Variants in ZFAT observed in about 807,000 individuals in gnomAD.
ZFAT encodes the protein zinc finger protein ZFAT.
ZFAT carries 64 observed loss-of-function variants against 117.7 expected under a neutral mutation model. The ratio of observed to expected loss-of-function variants is 0.54; its 90% CI spans 0.44 to 0.67. The LOEUF (loss-of-function observed/expected upper bound fraction) is 0.67, where lower values mean the gene tolerates loss of function less well. Among genes scored for constraint, ZFAT ranks in the 30% least tolerant of loss-of-function variants. The pLI is 0.00. For missense variants in ZFAT, 1,433 were observed against 1,584.5 expected, an observed-to-expected ratio of 0.90 and a Z score of 1.62; for synonymous variants, 679 against 615.0, an observed-to-expected ratio of 1.10 and a Z score of -1.54.
chr8:134,713,193 G>GCGC (rs1814098656), upstream of ZFAT: 1 of 242,218 alleles, frequency 4.1e-6, no homozygotes, highest in African/African-American at 2.2e-5. Flanking sequence ...GGATTCCGCT[G>GCGC]CGCCGCGTTT....
At chr8:134,724,823 G>A in the ZFAT span, among the ~76,000 whole-genome samples, 1 of 152,042 alleles carries the variant, frequency 6.6e-6, no homozygotes, top group African/African-American at 2.4e-5. Flanking sequence ...GATTACCATG[G>A]GCTGTGGGGG....
chr8:134,515,233 G>T (rs889716819), intron 13 of ZFAT, among the ~76,000 whole-genome samples: 2 of 152,206 alleles, frequency 1.3e-5, no homozygotes, highest in African/African-American at 4.8e-5. Context: ...TTGGTTCCAA[G>T]TCTTTGCTAT....
chr8:134,547,211 G>A (rs75335453), intron 11 of ZFAT, among the ~76,000 whole-genome samples: 108 of 152,270 alleles, frequency 7.1e-4, no homozygotes, highest in Middle Eastern at 3.4e-3. Flanking sequence ...TTCACGGCCC[G>A]GTCTCCTTGG....
chr8:134,561,358 C>A (rs1824036422), intron 11 of ZFAT, among the ~76,000 whole-genome samples: 1 of 152,226 alleles, frequency 6.6e-6, no homozygotes, highest in Admixed American at 6.5e-5. Flanking sequence ...AGCAAACCAT[C>A]AGGCCAGTCA....
At chr8:134,701,232 T>G (rs1350207349) in intron 1 of ZFAT, among the ~76,000 whole-genome samples, 1 of 152,214 alleles carries the variant, frequency 6.6e-6, no homozygotes, top group Non-Finnish European at 1.5e-5. Context: ...CTCTTTGAAT[T>G]TAACTACTCT....
intron 2 of ZFAT, among the ~76,000 whole-genome samples, chr8:134,650,897 A>G (rs1477938259): frequency 6.6e-6 from 1 of 152,244 alleles, no homozygotes; most frequent in Non-Finnish European, 1.5e-5. Context: ...ATCATATGCA[A>G]AAATTAACTT....
chr8:134,801,106 C>T, the ZFAT span, among the ~76,000 whole-genome samples: 1 of 152,116 alleles, frequency 6.6e-6, no homozygotes, highest in African/African-American at 2.4e-5. Flanking sequence ...GAAGATTCCT[C>T]CTTTAGGTAA....
At chr8:134,784,104 T>G in the ZFAT span, 1 of 152,222 alleles carries the variant, frequency 6.6e-6, no homozygotes, top group Non-Finnish European at 1.5e-5. Context: ...TCCAGGGGCT[T>G]AGCGCTGTGA....
the ZFAT span, among the ~76,000 whole-genome samples, chr8:134,791,671 G>C: frequency 8.5e-5 from 13 of 152,120 alleles, no homozygotes; most frequent in African/African-American, 2.7e-4. Context: ...TCCAATCTAT[G>C]ACAAATGACT....
chr8:134,628,765 A>G (rs1330028101), intron 3 of ZFAT, among the ~76,000 whole-genome samples: 3 of 152,218 alleles, frequency 2.0e-5, no homozygotes, highest in African/African-American at 7.2e-5. Flanking sequence ...GACACTGGAT[A>G]GGATGCTTGC....
intron 11 of ZFAT, among the ~76,000 whole-genome samples, chr8:134,548,946 T>C (rs998737444): frequency 2.6e-5 from 4 of 152,216 alleles, no homozygotes; most frequent in African/African-American, 9.6e-5. Context: ...AAAAGCCTGA[T>C]TGGCTGACTG....
intron 15 of ZFAT, among the ~76,000 whole-genome samples, chr8:134,505,260 T>C (rs758517192): frequency 6.6e-6 from 1 of 152,228 alleles, no homozygotes; most frequent in African/African-American, 2.4e-5. Context: ...GAACAGTGAC[T>C]GGCTGGTAAA....
the ZFAT span, among the ~76,000 whole-genome samples, chr8:134,812,271 A>G: frequency 6.6e-6 from 1 of 152,238 alleles, no homozygotes; most frequent in Admixed American, 6.5e-5. Context: ...AGTATGCAAT[A>G]AATGGAAACA....
intron 11 of ZFAT, among the ~76,000 whole-genome samples, chr8:134,549,031 A>G (rs1489014408): frequency 1.3e-5 from 2 of 152,174 alleles, no homozygotes; most frequent in Admixed American, 1.3e-4. Flanking sequence ...ATTCCATCAC[A>G]TTGAATCTCT....
intron 1 of ZFAT, among the ~76,000 whole-genome samples, chr8:134,688,242 T>A (rs1586953559): frequency 6.6e-6 from 1 of 152,368 alleles, no homozygotes; most frequent in East Asian, 1.9e-4. Context: ...AGCTACCTAC[T>A]GGGTCCCTAG....
At chr8:134,484,263 T>C (rs1817516929) in intron 15 of ZFAT, among the ~76,000 whole-genome samples, 2 of 152,196 alleles carry the variant, frequency 1.3e-5, no homozygotes, top group African/African-American at 2.4e-5. Flanking sequence ...GCCACGCTCT[T>C]GGTAGGCACA....
At chr8:134,559,257 T>C (rs147045666) in intron 11 of ZFAT, among the ~76,000 whole-genome samples, 22 of 152,344 alleles carry the variant, frequency 1.4e-4, no homozygotes, top group African/African-American at 4.6e-4. Flanking sequence ...CTTTGTTTAT[T>C]TTGCATGTAT....
chr8:134,513,798 T>C (rs376401039), intron 13 of ZFAT, among the ~76,000 whole-genome samples: 8 of 152,272 alleles, frequency 5.3e-5, no homozygotes, highest in African/African-American at 1.2e-4. Context: ...GTAAATGACA[T>C]AGAGGTTCAG....
chr8:134,768,980 C>G, the ZFAT span, among the ~76,000 whole-genome samples: 1 of 152,244 alleles, frequency 6.6e-6, no homozygotes, highest in African/African-American at 2.4e-5. Context: ...CAAGATCAGC[C>G]TGGCTGACAT....
Sources: allele counts gnomAD v4.1 joint callset (sites outside exome capture counted in the v4.1 genomes callset), GRCh38; gene constraint gnomAD v4.1.1; transcripts MANE v1.5; gene names NCBI Gene and HGNC (gene_info 2026-07-23, HGNC 2026-07-21).